Variants in LRRTM4 observed in about 807,000 individuals in gnomAD.
The protein encoded by LRRTM4 is leucine-rich repeat transmembrane neuronal protein 4.
A neutral mutation model predicts 47.6 loss-of-function variants in LRRTM4; 25 were observed. The observed-to-expected ratio is 0.53, with a 90% CI of 0.38 to 0.73. The LOEUF (loss-of-function observed/expected upper bound fraction) is 0.73, where lower values mean the gene tolerates loss of function less well. LRRTM4 is among the 30% of genes least tolerant of loss of function. The probability of loss-of-function intolerance (pLI) is 0.00; values close to 1 mark genes in which losing one functional copy is unlikely to be tolerated. For synonymous variants in LRRTM4, 311 were observed against 269.5 expected (o/e 1.15, Z -1.51); for missense variants, 638 against 713.4 (o/e 0.89, Z 1.20).
chr2:76,859,008 A>G (rs1157946887), intron 3 of LRRTM4, among the ~76,000 whole-genome samples: 1 of 152,210 alleles, frequency 6.6e-6, no homozygotes, highest in Non-Finnish European at 1.5e-5. Context: ...GGGAAAGGCT[A>G]CACTGTGGGG....
intron 3 of LRRTM4, among the ~76,000 whole-genome samples, chr2:77,457,871 A>G (rs1676622002): frequency 1.3e-5 from 2 of 152,094 alleles, no homozygotes; most frequent in Admixed American, 1.3e-4. Context: ...GTCACTTTGT[A>G]AGAGATGCCT....
intron 3 of LRRTM4, among the ~76,000 whole-genome samples, chr2:77,325,095 C>T (rs758845700): frequency 6.6e-6 from 1 of 152,136 alleles, no homozygotes; most frequent in Non-Finnish European, 1.5e-5. Flanking sequence ...TGCAGAGAAA[C>T]ACAAGAAATT....
chr2:77,306,877 G>C (rs1677287359), intron 3 of LRRTM4, among the ~76,000 whole-genome samples: 1 of 148,750 alleles, frequency 6.7e-6, no homozygotes, highest in Non-Finnish European at 1.5e-5. Context: ...TTCTAAAATA[G>C]CTATATACTG....
chr2:77,468,050 T>C lies in LRRTM4; in HGVS notation c.1551+50268A>G, dbSNP rs535026111. On this transcript the variant is annotated intron_variant, in intron 3 of 3. Coordinates refer to ENST00000409884, the MANE Select transcript of LRRTM4 (RefSeq NM_001134745.3). ...TTTTTGTATTTTTTATTTCATTAGA[T>C]TTTTTTCTCCAAAGTTTTCATGCTG... is the stretch of plus-strand genomic sequence containing the variant. 8.5e-5 allele frequency among the ~76,000 whole-genome samples: 13 copies of C among 152,276 alleles called. No homozygotes were observed. In the East Asian group the frequency reaches 1.7e-3, roughly 20 times the overall value.
At chr2:76,804,632 C>T (rs1406132417) in intron 3 of LRRTM4, among the ~76,000 whole-genome samples, 2 of 144,708 alleles carry the variant, frequency 1.4e-5, no homozygotes, top group Admixed American at 7.0e-5. Flanking sequence ...GTATCTTGTA[C>T]ATATATATAC....
intron 3 of LRRTM4, among the ~76,000 whole-genome samples, chr2:77,458,849 G>A (rs946708251): frequency 6.6e-6 from 1 of 151,092 alleles, no homozygotes; most frequent in Non-Finnish European, 1.5e-5. Context: ...TCAAAAATGA[G>A]GCAGAAATTT....
chr2:77,277,958 T>A (rs1676405882), intron 3 of LRRTM4, among the ~76,000 whole-genome samples: 1 of 151,834 alleles, frequency 6.6e-6, no homozygotes, highest in African/African-American at 2.4e-5. Flanking sequence ...TTGACTAGAG[T>A]ATTTCACTTG....
intron 3 of LRRTM4, among the ~76,000 whole-genome samples, chr2:76,928,868 A>G (rs1230876601): frequency 6.6e-6 from 1 of 152,198 alleles, no homozygotes; most frequent in East Asian, 1.9e-4. Context: ...CAACTTTAAT[A>G]TAAAATCATA....
intron 3 of LRRTM4, among the ~76,000 whole-genome samples, chr2:77,238,985 C>A (rs1168903310): frequency 6.6e-6 from 1 of 151,554 alleles, no homozygotes; most frequent in African/African-American, 2.4e-5. Context: ...GTATATAAAC[C>A]TACAAGGTAC....
In LRRTM4 at chr2:76,809,018, C is replaced by A. The variant is rs569851207; in HGVS notation, c.1552-60102G>T. On this transcript the variant is annotated intron_variant, in intron 3 of 3. Transcript: ENST00000409884. The stretch of plus-strand genomic sequence containing the variant: ...TTTCAAACAGCTGGGTTTTCTCAAC[C>A]ATATTTTACCCCAATTATCTTTCTC... 5.3e-5 allele frequency among the ~76,000 whole-genome samples: 8 copies of A among 152,200 alleles called. No individual in the cohort carries two copies. In the South Asian group the frequency reaches 1.7e-3, roughly 32 times the overall value.
At chr2:77,466,124 A>C (rs1676973211) in intron 3 of LRRTM4, among the ~76,000 whole-genome samples, 1 of 152,182 alleles carries the variant, frequency 6.6e-6, no homozygotes, top group African/African-American at 2.4e-5. Flanking sequence ...ATTTCTTAGA[A>C]ACAATAGAAT....
At chr2:77,030,555 T>A (rs1326038011) in intron 3 of LRRTM4, among the ~76,000 whole-genome samples, 6 of 152,214 alleles carry the variant, frequency 3.9e-5, no homozygotes, top group Admixed American at 3.9e-4. Context: ...TCCAACAGGA[T>A]TTATACTTCC....
intron 3 of LRRTM4, among the ~76,000 whole-genome samples, 164 bp from the exon 4 acceptor site, chr2:76,749,080 T>G (rs916383746): frequency 6.6e-6 from 1 of 152,218 alleles, no homozygotes; most frequent in Non-Finnish European, 1.5e-5. Flanking sequence ...ACTATTTAAC[T>G]CAATATTGTT....
intron 3 of LRRTM4, among the ~76,000 whole-genome samples, chr2:76,761,788 C>T (rs936798193): frequency 6.6e-6 from 1 of 151,998 alleles, no homozygotes; most frequent in Non-Finnish European, 1.5e-5. Context: ...AATTAAAACC[C>T]CAAAGTGTTA....
Position 77,003,784 on chromosome 2 carries a change from G to A in LRRTM4, c.1552-254868C>T, listed in dbSNP as rs1261822889. Among the ~76,000 whole-genome samples the A allele has an allele frequency of 1.3e-5, 2 of 151,438 alleles. 1 individual carries two copies. The highest frequency in any genetic ancestry group is 2.9e-5 in the Non-Finnish European group (2 of 68,018). On this transcript the variant is annotated intron_variant, in intron 3 of 3. Coordinates refer to ENST00000409884, the MANE Select transcript of LRRTM4 (RefSeq NM_001134745.3). Reference sequence around the variant, plus strand: ...ACTTTGGAACTGGGCAACAGGCAGAGGTTGCAACAGATTGGAGGGCTCAGA... The same window carrying A: ...ACTTTGGAACTGGGCAACAGGCAGAAGTTGCAACAGATTGGAGGGCTCAGA...
intron 3 of LRRTM4, among the ~76,000 whole-genome samples, chr2:77,096,491 A>G (rs1038349690): frequency 3.3e-5 from 5 of 151,706 alleles, no homozygotes; most frequent in African/African-American, 1.2e-4. Flanking sequence ...ATGAATAAAT[A>G]TAAAATGTCA....
intron 3 of LRRTM4, among the ~76,000 whole-genome samples, chr2:77,300,162 TA>T (rs1677093513): frequency 6.6e-6 from 1 of 152,154 alleles, no homozygotes; most frequent in Non-Finnish European, 1.5e-5. Flanking sequence ...TGATGATTTT[TA>T]AAAGTTTATT....
At chr2:76,809,558 A>G (rs1670666157) in intron 3 of LRRTM4, among the ~76,000 whole-genome samples, 1 of 152,108 alleles carries the variant, frequency 6.6e-6, no homozygotes, top group African/African-American at 2.4e-5. Flanking sequence ...CAGCCAGGCA[A>G]TCACTAATTC....
chr2:77,010,501 TACACACACACACACACACACAC>T (rs34456976), intron 3 of LRRTM4, among the ~76,000 whole-genome samples: 1 of 139,836 alleles, frequency 7.2e-6, no homozygotes, highest in Non-Finnish European at 1.6e-5. Flanking sequence ...TTGTATTGTT[TACACACACACACACACACACAC>T]ACACACACAC....
Sources: allele counts gnomAD v4.1 joint callset (sites outside exome capture counted in the v4.1 genomes callset), GRCh38; gene constraint gnomAD v4.1.1; transcripts MANE v1.5; gene names NCBI Gene and HGNC (gene_info 2026-07-23, HGNC 2026-07-21).